The following BBS9 variants were observed in gnomAD, a reference collection of about 807,000 sequenced individuals.
BBS9 encodes the protein Bardet-Biedl syndrome 9.
BBS9 carries 89 observed loss-of-function variants against 117.7 expected under a neutral mutation model. The observed-to-expected ratio is 0.76, with a 90% confidence interval of 0.64 to 0.90. The LOEUF (loss-of-function observed/expected upper bound fraction) is 0.90, where lower values mean the gene tolerates loss of function less well. Among genes scored for constraint, BBS9 ranks in the 40% least tolerant of loss-of-function variants. The pLI, the probability that BBS9 is intolerant of heterozygous loss-of-function variation, is 0.00. For synonymous variants in BBS9, 379 were observed against 370.9 expected, an observed-to-expected ratio of 1.02 and a Z score of -0.25; for missense variants, 982 against 1,042.2, an observed-to-expected ratio of 0.94 and a Z score of 0.80.
At chr7:33,297,784 G>T (rs140647709) in intron 9 of BBS9, among the ~76,000 whole-genome samples, 272 of 152,192 alleles carry the variant, frequency 1.8e-3, no homozygotes, top group African/African-American at 6.3e-3. Flanking sequence ...AATCATGAAA[G>T]GATGCTTCTC....
At chr7:33,504,520 A>T (rs1313400975) in intron 19 of BBS9, among the ~76,000 whole-genome samples, 1 of 152,184 alleles carries the variant, frequency 6.6e-6, no homozygotes, top group Non-Finnish European at 1.5e-5. Flanking sequence ...AGACTTCTGA[A>T]ACTCATCTGA....
intron 21 of BBS9, among the ~76,000 whole-genome samples, chr7:33,564,723 T>C (rs1333363713): frequency 6.6e-6 from 1 of 152,230 alleles, no homozygotes; most frequent in Non-Finnish European, 1.5e-5. Flanking sequence ...TAATGTGTGC[T>C]CATTCTGTGA....
At chr7:33,509,103 G>A (rs1846549055) in intron 20 of BBS9, among the ~76,000 whole-genome samples, 2 of 152,150 alleles carry the variant, frequency 1.3e-5, no homozygotes, top group African/African-American at 2.4e-5. Context: ...AGTCATTAAT[G>A]AGACAAAACA....
chr7:33,506,552 C>T (rs1170269710), intron 20 of BBS9, among the ~76,000 whole-genome samples: 1 of 152,044 alleles, frequency 6.6e-6, no homozygotes, highest in African/African-American at 2.4e-5. Flanking sequence ...GTTTCCATCC[C>T]TGTTTTACCT....
intron 5 of BBS9, among the ~76,000 whole-genome samples, chr7:33,233,104 G>T (rs865946054): frequency 2.6e-5 from 4 of 152,028 alleles, no homozygotes; most frequent in African/African-American, 9.7e-5. Flanking sequence ...AAATAGGGGG[G>T]GTTGAGAAAT....
chr7:33,601,690 G>A (rs577940751), intron 21 of BBS9, among the ~76,000 whole-genome samples: 22 of 152,150 alleles, frequency 1.4e-4, no homozygotes, highest in Non-Finnish European at 3.2e-4. Context: ...GAGGCCTTCC[G>A]AATTTGTGGA....
chr7:33,348,335 A>C (rs1817984822), intron 12 of BBS9, among the ~76,000 whole-genome samples: 1 of 152,076 alleles, frequency 6.6e-6, no homozygotes, highest in Non-Finnish European at 1.5e-5. Context: ...AATGCACATA[A>C]ATTTGTTAGC....
chr7:33,354,267 A>C, intron 15 of BBS9, among the ~76,000 whole-genome samples: 1 of 152,132 alleles, frequency 6.6e-6, no homozygotes, highest in East Asian at 1.9e-4. Context: ...TCTTACTTAC[A>C]CACAAGGCTT....
At chr7:33,575,441 A>C (rs1029810292) in intron 21 of BBS9, among the ~76,000 whole-genome samples, 2 of 152,194 alleles carry the variant, frequency 1.3e-5, no homozygotes, top group Non-Finnish European at 2.9e-5. Flanking sequence ...AAAGAAGTCC[A>C]GGACCAGATG....
intron 19 of BBS9, among the ~76,000 whole-genome samples, chr7:33,454,101 T>C (rs1447324114): frequency 2.6e-5 from 4 of 151,974 alleles, no homozygotes; most frequent in African/African-American, 9.7e-5. Context: ...TCCCTGGGGG[T>C]GAGTGCTGCC....
At chr7:33,241,310 TAGAA>T (rs1271497746) in intron 5 of BBS9, among the ~76,000 whole-genome samples, 4 of 152,214 alleles carry the variant, frequency 2.6e-5, no homozygotes, top group Admixed American at 2.0e-4. Context: ...CTTCCATTGA[TAGAA>T]AGAAGTTAGG....
At chr7:33,533,112 C>T (rs1218394310) in intron 20 of BBS9, among the ~76,000 whole-genome samples, 6 of 152,192 alleles carry the variant, frequency 3.9e-5, no homozygotes, top group Non-Finnish European at 5.9e-5. Flanking sequence ...CTGACCCCTC[C>T]TGCTCTTTAC....
chr7:33,155,692 C>T lies in BBS9; in HGVS notation c.318C>T (p.Tyr106=), dbSNP rs200476774. 9.6e-6 allele frequency: 15 copies of T among 1,559,764 alleles called. No homozygotes were observed. Among genetic ancestry groups the T allele is most frequent in the Middle Eastern group, 1.7e-4 (1 of 5,986 alleles). The change falls in exon 4 of 23, where the codon TAC becomes TAT. Residue 106 remains tyrosine, a synonymous_variant. Transcript: ENST00000242067. ...AVLHSRKLCV[Y]SVSGTLGNVE... ...TACATTCTAGAAAACTTTGTGTCTA[C>T]TCTGTCTCAGGTAAGAAATATTTTT...
intron 21 of BBS9, among the ~76,000 whole-genome samples, chr7:33,553,736 T>C (rs1585232838): frequency 6.6e-6 from 1 of 152,142 alleles, no homozygotes; most frequent in Non-Finnish European, 1.5e-5. Context: ...TATTTACTCA[T>C]GAATAGGACA....
intron 9 of BBS9, among the ~76,000 whole-genome samples, chr7:33,304,610 C>T (rs1807461220): frequency 6.6e-6 from 1 of 152,150 alleles, no homozygotes; most frequent in Non-Finnish European, 1.5e-5. Flanking sequence ...AAGTGACAGC[C>T]TTTCTGCAGG....
intron 21 of BBS9, among the ~76,000 whole-genome samples, chr7:33,558,309 A>G (rs949186035): frequency 6.6e-6 from 1 of 152,150 alleles, no homozygotes; most frequent in Non-Finnish European, 1.5e-5. Flanking sequence ...ATAAGAGTAA[A>G]TGGCAGGGGA....
chr7:33,257,713 AG>A (rs1797314288), intron 6 of BBS9, among the ~76,000 whole-genome samples: 1 of 152,166 alleles, frequency 6.6e-6, no homozygotes. Flanking sequence ...GTTTATTATA[AG>A]GATTAAATGT....
chr7:33,536,020 C>T (rs1851312660), intron 21 of BBS9, among the ~76,000 whole-genome samples: 1 of 151,780 alleles, frequency 6.6e-6, no homozygotes, highest in African/African-American at 2.4e-5. Context: ...GGATGTGGAA[C>T]ATTTTAAAAC....
chr7:33,494,835 C>T (rs983965717), intron 19 of BBS9, among the ~76,000 whole-genome samples: 3 of 152,170 alleles, frequency 2.0e-5, no homozygotes, highest in African/African-American at 7.2e-5. Flanking sequence ...TTCACCAAGG[C>T]AACTTCCAAT....
Sources: gnomAD v4.1 joint callset for allele counts (sites outside exome capture counted in the v4.1 genomes callset) on GRCh38, gnomAD v4.1.1 for gene constraint, MANE v1.5 for transcripts, NCBI Gene and HGNC (gene_info 2026-07-23, HGNC 2026-07-21) for gene names.